ITGB4: variants seen among roughly 807,000 people sequenced by gnomAD.
ITGB4 encodes integrin beta-4.
A neutral mutation model predicts 207.6 loss-of-function variants in ITGB4; 159 were observed. The observed-to-expected ratio is 0.77, with a 90% CI of 0.67 to 0.87. ITGB4 has a LOEUF of 0.87. ITGB4 is among the 40% of genes least tolerant of loss of function. ITGB4 has a pLI of 0.00. For missense variants in ITGB4, 2,278 were observed against 2,546.8 expected, an observed-to-expected ratio of 0.89 and a Z score of 2.27; for synonymous variants, 1,020 against 1,062.7, an observed-to-expected ratio of 0.96 and a Z score of 0.78.
Position 75,755,775 on chromosome 17 carries a change from A to G in ITGB4, c.4633A>G (p.Arg1545Gly). 3 of 1,612,600 alleles carry G rather than the reference A, an allele frequency of 1.9e-6. No individual in the cohort carries two copies. The highest frequency in any genetic ancestry group is 2.5e-6 in the Non-Finnish European group (3 of 1,179,948). Residue 1545 changes from arginine (R) to glycine (G), a missense_variant, in exon 35 of 40, where the codon AGA becomes GGA. Arg to Gly is a moderately radical substitution (Grantham distance 125). Transcript: ENST00000200181. The part of the protein sequence containing the change: ...VFSALGPTSL[R>G]VSWQEPRCER... ...CTCTGCCCTGGGGCCCACATCTCTC[A>G]GAGTGAGCTGGCAGGAGCCGCGGTG...
At chr17:75,754,536 G>T (rs370979842) in intron 33 of ITGB4, 40 bp from the exon 34 acceptor site, 1 of 1,612,348 alleles carries the variant, frequency 6.2e-7, no homozygotes. Flanking sequence ...GCCCGGGTCT[G>T]GGGCAGGCCT....
intron 32 of ITGB4, among the ~76,000 whole-genome samples, chr17:75,752,868 C>T (rs2061400327): frequency 6.6e-6 from 1 of 152,188 alleles, no homozygotes; most frequent in South Asian, 2.1e-4. Flanking sequence ...ACACAGGACA[C>T]TCAGGCCACC....
chr17:75,732,365 G>C lies in ITGB4; in HGVS notation c.1454+126G>C. 2.2e-6 allele frequency: 2 copies of C among 910,696 alleles called. No homozygotes were observed. Among genetic ancestry groups the C allele is most frequent in the Non-Finnish European group, 1.8e-6 (1 of 565,592 alleles). 56.4% of individuals were successfully genotyped at this position (910,696 alleles called of 1,614,324 possible). On this transcript the variant is annotated intron_variant, in intron 12 of 39. Transcript: ENST00000200181. This position sits in a 1 kb window ranked among gnomAD's most constrained non-coding sequence, Gnocchi z 5.3. ...GGCTGGGGGTGGGGCGGCAATCAAAGAAACGGCTAAGGGCGGGGCACACCC... is the reference window on the plus strand; with the variant it reads ...GGCTGGGGGTGGGGCGGCAATCAAACAAACGGCTAAGGGCGGGGCACACCC...
chr17:75,746,786 A>G (rs1230719577), intron 26 of ITGB4, among the ~76,000 whole-genome samples: 3 of 151,946 alleles, frequency 2.0e-5, no homozygotes, highest in African/African-American at 4.8e-5. Context: ...CCAAAAATAC[A>G]GAAAATTATC....
Position 75,727,733 on chromosome 17 carries a change from G to A in ITGB4, c.347G>A (p.Arg116Gln), listed in dbSNP as rs1217215832. The A allele has an allele frequency of 7.4e-6, 12 of 1,613,864 alleles. No homozygotes were observed. Among genetic ancestry groups the A allele is most frequent in the Middle Eastern group, 1.7e-4 (1 of 5,908 alleles). Reference sequence around the variant, plus strand: ...GTCCGTCTGCGGCCCGGTGAGGAGCGGCATTTTGAGCTGGAGGTGTTTGAG... The same window carrying A: ...GTCCGTCTGCGGCCCGGTGAGGAGCAGCATTTTGAGCTGGAGGTGTTTGAG... ...LRVRLRPGEE[R>Q]HFELEVFEPL... The change falls in exon 5 of 40, where the codon CGG (arginine) becomes CAG (glutamine). Residue 116 changes from arginine (R) to glutamine (Q), a missense_variant. By Grantham distance (43) the Arg-to-Gln change is conservative. Coordinates refer to ENST00000200181, the MANE Select transcript of ITGB4 (RefSeq NM_000213.5). This position sits in a 1 kb window ranked among gnomAD's most constrained non-coding sequence, Gnocchi z 6.0.
At position 75,740,336 on chromosome 17, in the gene ITGB4, C is replaced by T; in HGVS notation, c.2447-22C>T. 1 of 1,599,834 alleles carries T rather than the reference C, an allele frequency of 6.3e-7. No individual in the cohort carries two copies. Among genetic ancestry groups the T allele is most frequent in the Non-Finnish European group, 8.5e-7 (1 of 1,170,270 alleles). On this transcript the variant is annotated intron_variant, in intron 20 of 39. Transcript: ENST00000200181. The surrounding 1 kb of genome is among the most constrained non-coding windows in gnomAD (Gnocchi z 5.9). ...GGGGGCTGACCACCTCCATCTCACC[C>T]CCTCCCACCGCCTTTCCTTAGTGCC... is the stretch of plus-strand genomic sequence containing the variant.
intron 17 of ITGB4, 28 bp from the exon 18 acceptor site, chr17:75,737,510 C>A: frequency 1.3e-6 from 2 of 1,555,530 alleles, no homozygotes; most frequent in Non-Finnish European, 1.7e-6. Flanking sequence ...AGGACAGGCA[C>A]CACCTCCCCC....
In ITGB4 at chr17:75,732,278, G is replaced by C. The variant is rs1026317119; in HGVS notation, c.1454+39G>C. 6.3e-7 allele frequency: 1 copy of C among 1,589,994 alleles called. No homozygotes were observed. The highest frequency in any genetic ancestry group is 8.6e-7 in the Non-Finnish European group (1 of 1,158,548). On this transcript the variant is annotated intron_variant, in intron 12 of 39. Transcript: ENST00000200181. This position sits in a 1 kb window ranked among gnomAD's most constrained non-coding sequence, Gnocchi z 5.3. ...GGAGTTGGGCACCCAGGACACCAGT[G>C]GCCCCTGATGGGAAAGCTGGGCTCC... is the stretch of plus-strand genomic sequence containing the variant.
At chr17:75,730,999 T>G in intron 9 of ITGB4, 35 bp downstream of exon 9, 3 of 1,585,506 alleles carry the variant, frequency 1.9e-6, no homozygotes, top group Non-Finnish European at 2.6e-6. Context: ...TCTGAGCCCT[T>G]CTGGGGCAGG....
rs1313422128 is a variant in ITGB4, at chr17:75,756,714, C to A, written c.4908C>A (p.Phe1636Leu). 1.4e-5 allele frequency: 22 copies of A among 1,613,430 alleles called. No individual in the cohort carries two copies. Among genetic ancestry groups the A allele is most frequent in the Non-Finnish European group, 1.9e-5 (22 of 1,180,014 alleles). ...CTCTACTGCCCCCAGGCTCCGCCTT[C>A]ACTTTGAGCACTCCCAGTGCCCCAG... ...SPLCPLPGSA[F>L]TLSTPSAPGP... is the part of the protein sequence containing the mutation. The change falls in exon 37 of 40, where the codon TTC (phenylalanine) becomes TTA (leucine). Residue 1636 changes from phenylalanine (F) to leucine (L), a missense_variant. By Grantham distance (22) the Phe-to-Leu change is conservative (BLOSUM62 0). Transcript: ENST00000200181.
Position 75,731,922 on chromosome 17 carries a change from C to A in ITGB4, c.1326C>A (p.Asp442Glu). Residue 442 changes from aspartate to glutamate, a missense_variant, in exon 11 of 40, where the codon GAC becomes GAA. Coordinates refer to ENST00000200181, the MANE Select transcript of ITGB4 (RefSeq NM_000213.5). The surrounding 1 kb of genome is among the most constrained non-coding windows in gnomAD (Gnocchi z 6.8). ...GNIHLKPSFSDGLKMDAGIIC... is the reference protein window; with the variant it reads ...GNIHLKPSFSEGLKMDAGIIC... ...TCCATCTGAAACCTTCCTTCTCCGA[C>A]GGCCTCAAGATGGACGCGGGCATCA... The A allele has an allele frequency of 6.2e-7, 1 of 1,614,068 alleles. No homozygotes were observed. Among genetic ancestry groups the A allele is most frequent in the Non-Finnish European group, 8.5e-7 (1 of 1,180,026 alleles).
Position 75,757,613 on chromosome 17 carries a change from G to A in ITGB4, c.*58G>A, listed in dbSNP as rs569617597. 1.7e-4 allele frequency: 269 copies of A among 1,607,266 alleles called. No individual in the cohort carries two copies. The highest frequency in any genetic ancestry group is 9.4e-4 in the East Asian group (42 of 44,796). ...TAGGCGTCCTCCCGACTCCTCTCCC[G>A]GAGCCTCCTCAGCTACTCCATCCTT... On this transcript the variant is annotated 3_prime_UTR_variant, in exon 40 of 40. Transcript: ENST00000200181.
rs2060908905 is a variant in ITGB4 at position 75,733,536 on chromosome 17, C to G, written c.1501C>G (p.Gln501Glu). The change falls in exon 13 of 40, where the codon CAG becomes GAG. Residue 501 changes from glutamine to glutamate, a missense_variant. Physicochemically the swap from Gln to Glu is conservative, Grantham distance 29 (BLOSUM62 2). Coordinates refer to ENST00000200181, the MANE Select transcript of ITGB4 (RefSeq NM_000213.5). ...NCSTGSLSDI[Q>E]PCLREGEDKP... ...CTCCACCGGCTCTCTGAGTGACATT[C>G]AGCCCTGCCTGCGGGAGGGCGAGGA... 2 of 1,613,832 alleles carry G rather than the reference C, an allele frequency of 1.2e-6. No homozygotes were observed. The highest frequency in any genetic ancestry group is 1.7e-6 in the Non-Finnish European group (2 of 1,180,044).
chr17:75,741,771 A>C (rs1054541327), intron 23 of ITGB4, among the ~76,000 whole-genome samples: 6 of 150,840 alleles, frequency 4.0e-5, no homozygotes, highest in Non-Finnish European at 8.9e-5. Context: ...GCGCCACTGC[A>C]CTCCAGCCTG....
intron 26 of ITGB4, among the ~76,000 whole-genome samples, 164 bp from the exon 27 acceptor site, chr17:75,748,677 A>C (rs906030989): frequency 5.9e-5 from 9 of 151,992 alleles, no homozygotes; most frequent in South Asian, 2.1e-4. Context: ...CTCAAAAAAA[A>C]AAACAAACAA....
Position 75,750,766 on chromosome 17 carries a change from C to T in ITGB4, c.3561C>T (p.Tyr1187=), listed in dbSNP as rs760771994. 5.0e-6 allele frequency: 8 copies of T among 1,613,486 alleles called. No individual in the cohort carries two copies. Among genetic ancestry groups the T allele is most frequent in the Non-Finnish European group, 5.1e-6 (6 of 1,180,012 alleles). The change falls in exon 29 of 40, where the codon TAC becomes TAT. Residue 1187 remains tyrosine, a synonymous_variant. Transcript: ENST00000200181. The surrounding 1 kb of genome is among the most constrained non-coding windows in gnomAD (Gnocchi z 5.5). ...KVPSVELTNL[Y]PYCDYEMKVC... ...CCTCAGTGGAGCTCACCAACCTGTACCCGTATTGCGACTATGAGATGAAGG... is the reference window on the plus strand; with the variant it reads ...CCTCAGTGGAGCTCACCAACCTGTATCCGTATTGCGACTATGAGATGAAGG...
intron 23 of ITGB4, chr17:75,741,219 G>A (rs2061102237): frequency 1.5e-6 from 1 of 647,754 alleles, no homozygotes; most frequent in African/African-American, 1.8e-5. Context: ...CTGGACTAGA[G>A]CAGGCAAAAG....
Position 75,750,752 on chromosome 17 carries a change from C to T in ITGB4, c.3547C>T (p.Leu1183Phe). ...LLDSKVPSVELTNLYPYCDYE... is the reference protein window; with the variant it reads ...LLDSKVPSVEFTNLYPYCDYE... ...CGACAGCAAGGTGCCCTCAGTGGAG[C>T]TCACCAACCTGTACCCGTATTGCGA... The change falls in exon 29 of 40, where the codon CTC becomes TTC. Residue 1183 changes from leucine to phenylalanine, a missense_variant. Physicochemically the swap from Leu to Phe is conservative, Grantham distance 22. Transcript: ENST00000200181. The surrounding 1 kb of genome is among the most constrained non-coding windows in gnomAD (Gnocchi z 5.5). 6.2e-7 allele frequency: 1 copy of T among 1,613,526 alleles called. No homozygotes were observed.
In ITGB4 at chr17:75,730,263, A is replaced by T; in HGVS notation, c.761A>T (p.Asp254Val). The T allele has an allele frequency of 1.2e-6, 2 of 1,612,828 alleles. No homozygotes were observed. Among genetic ancestry groups the T allele is most frequent in the Non-Finnish European group, 1.7e-6 (2 of 1,179,908 alleles). The change falls in exon 8 of 40, where the codon GAC becomes GTC. Residue 254 changes from aspartate to valine, a missense_variant. By Grantham distance (152) the Asp-to-Val change is radical (BLOSUM62 -3). Transcript: ENST00000200181. ...CAGAGGGACATTGGCTGGCGCCCGGACAGCACCCACCTGCTGGTCTTCTCC... is the reference window on the plus strand; with the variant it reads ...CAGAGGGACATTGGCTGGCGCCCGGTCAGCACCCACCTGCTGGTCTTCTCC... Reference protein sequence around the residue: ...VCTRDIGWRPDSTHLLVFSTE... With the variant: ...VCTRDIGWRPVSTHLLVFSTE...
Sources: gnomAD v4.1 joint callset for allele counts (sites outside exome capture counted in the v4.1 genomes callset) on GRCh38, gnomAD v4.1.1 for gene constraint, Gnocchi (gnomAD v3.1) non-coding constraint, MANE v1.5 for transcripts, NCBI Gene and HGNC (gene_info 2026-07-23, HGNC 2026-07-21) for gene names.